The following MRM1 variants were observed in gnomAD, a reference collection of about 807,000 sequenced individuals.
MRM1 encodes mitochondrial rRNA methyltransferase 1, also known as rRNA methyltransferase 1, mitochondrial.
MRM1 carries 24 observed loss-of-function variants against 25.0 expected under a neutral mutation model. That is an observed-to-expected ratio of 0.96 (90% CI 0.69 to 1.35). The LOEUF is 1.35. Among genes scored for constraint, MRM1 ranks in the 40% most tolerant of loss-of-function variants. The probability of loss-of-function intolerance (pLI) is 0.00; values close to 1 mark genes in which losing one functional copy is unlikely to be tolerated. For missense variants in MRM1, 431 were observed against 464.1 expected, an observed-to-expected ratio of 0.93 and a Z score of 0.65; for synonymous variants, 188 against 199.2, an observed-to-expected ratio of 0.94 and a Z score of 0.47.
chr17:36,631,083 T>G, the MRM1 span, among the ~76,000 whole-genome samples: 1 of 152,214 alleles, frequency 6.6e-6, no homozygotes, highest in East Asian at 1.9e-4. Context: ...GTTAGATGCA[T>G]GGAAGGTGCT....
chr17:36,602,211 C>A lies in MRM1; in HGVS notation c.401C>A (p.Ala134Asp). ...CTGCGGCCCCGGCCTTGGAGAGAGG[C>A]CGGGGAGGCGAGCCCAGGCGACGAC... ...SPLRPRPWRE[A>D]GEASPGDDPQ... Residue 134 changes from alanine (A) to aspartate (D), a missense_variant, in exon 1 of 5, where the codon GCC (alanine) becomes GAC (aspartate). Transcript: ENST00000614766. This position sits in a 1 kb window ranked among gnomAD's most constrained non-coding sequence, Gnocchi z 4.1. The A allele has an allele frequency of 6.2e-7, 1 of 1,610,444 alleles. No individual in the cohort carries two copies. The highest frequency in any genetic ancestry group is 8.5e-7 in the Non-Finnish European group (1 of 1,177,900).
At chr17:36,628,533 G>C in the MRM1 span, among the ~76,000 whole-genome samples, 1 of 152,178 alleles carries the variant, frequency 6.6e-6, no homozygotes, top group African/African-American at 2.4e-5. Context: ...TGGACATGCA[G>C]GATGCAGTGT....
the MRM1 span, among the ~76,000 whole-genome samples, chr17:36,630,132 G>A: frequency 6.6e-6 from 1 of 152,190 alleles, no homozygotes; most frequent in Non-Finnish European, 1.5e-5. Flanking sequence ...TGCACACAAA[G>A]GCACTCAGCA....
At chr17:36,621,422 A>G in the MRM1 span, among the ~76,000 whole-genome samples, 13 of 152,030 alleles carry the variant, frequency 8.6e-5, no homozygotes, top group Non-Finnish European at 1.8e-4. Context: ...TGACACTGAC[A>G]TCCTGCCTGT....
rs752280050 is a variant in MRM1, at chr17:36,608,265, C to T, written c.912C>T (p.Cys304=). Reference sequence around the variant, plus strand: ...CAGGAATTCTTCTTCACTCCATTTGCAGCCAGAGGAAGGGTTTCCCCACAG... The same window carrying T: ...CAGGAATTCTTCTTCACTCCATTTGTAGCCAGAGGAAGGGTTTCCCCACAG... ...VAAGILLHSI[C]SQRKGFPTEG... The change falls in exon 5 of 5, where the codon TGC becomes TGT. Residue 304 remains cysteine, a synonymous_variant. Coordinates refer to ENST00000614766, the MANE Select transcript of MRM1 (RefSeq NM_024864.5). 2 of 1,578,178 alleles carry T rather than the reference C, an allele frequency of 1.3e-6. No homozygotes were observed. Among genetic ancestry groups the T allele is most frequent in the Admixed American group, 1.9e-5 (1 of 52,812 alleles).
the MRM1 span, among the ~76,000 whole-genome samples, chr17:36,622,384 C>A: frequency 6.6e-6 from 1 of 151,984 alleles, no homozygotes; most frequent in Admixed American, 6.5e-5. Context: ...CCAGCCTGGG[C>A]AACATGGTGA....
At chr17:36,619,462 G>A in the MRM1 span, among the ~76,000 whole-genome samples, 2 of 152,296 alleles carry the variant, frequency 1.3e-5, no homozygotes, top group African/African-American at 4.8e-5. Context: ...GAGGTCAGGG[G>A]TTCAAGACCA....
chr17:36,606,994 A>T (rs185881980), intron 2 of MRM1, among the ~76,000 whole-genome samples: 2 of 149,934 alleles, frequency 1.3e-5, no homozygotes, highest in East Asian at 4.0e-4. Context: ...GGTTGACTGC[A>T]GCCTCTGCCT....
the MRM1 span, among the ~76,000 whole-genome samples, chr17:36,619,707 T>C: frequency 6.6e-6 from 1 of 151,978 alleles, no homozygotes; most frequent in South Asian, 2.1e-4. Context: ...CTTTCGAATA[T>C]ATACCCAGAA....
rs2074946929 is a variant in MRM1, at chr17:36,608,017, A to G, written c.888A>G (p.Ala296=). 2 of 1,613,770 alleles carry G rather than the reference A, an allele frequency of 1.2e-6. No homozygotes were observed. Among genetic ancestry groups the G allele is most frequent in the African/African-American group, 1.3e-5 (1 of 74,920 alleles). ...AGTCCTTGAACGTCTCTGTGGCTGC[A>G]GGTGAGTCTACTCCCCTTTCCCTTT... The part of the protein sequence containing the change: ...GLESLNVSVA[A]GILLHSICSQ... Residue 296 remains alanine (A), a splice_region_variant and synonymous_variant, in exon 4 of 5, where the codon GCA becomes GCG. Coordinates refer to ENST00000614766, the MANE Select transcript of MRM1 (RefSeq NM_024864.5).
At chr17:36,625,414 T>TCTC in the MRM1 span, among the ~76,000 whole-genome samples, 1 of 143,198 alleles carries the variant, frequency 7.0e-6, no homozygotes, top group South Asian at 2.3e-4. Flanking sequence ...CTCTTCCTCT[T>TCTC]CTCCTCCTCC....
chr17:36,620,561 C>T, the MRM1 span, among the ~76,000 whole-genome samples: 1 of 152,188 alleles, frequency 6.6e-6, no homozygotes. Context: ...AGCTCCCTGT[C>T]ACTAGAGTTG....
chr17:36,607,776 G>A lies in MRM1; in HGVS notation c.743G>A (p.Trp248Ter), dbSNP rs1474928021. 5 of 1,613,980 alleles carry A rather than the reference G, an allele frequency of 3.1e-6. No individual in the cohort carries two copies. The highest frequency in any genetic ancestry group is 4.2e-6 in the Non-Finnish European group (5 of 1,180,028). The change falls in exon 3 of 5, where the codon TGG becomes TAG. Residue 248 changes from tryptophan (W) to a stop codon, truncating the protein, a stop_gained. Coordinates refer to ENST00000614766, the MANE Select transcript of MRM1 (RefSeq NM_024864.5). LOFTEE classifies it high-confidence loss of function. ...IPIMSCLEFL[W>*]ERPTLLVLGN... ...ATCATGAGTTGCTTGGAGTTCCTCT[G>A]GGAACGGCCTACTCTCCTTGTGCTG... is the stretch of plus-strand genomic sequence containing the variant.
the MRM1 span, among the ~76,000 whole-genome samples, chr17:36,614,484 A>G: frequency 6.6e-6 from 1 of 152,160 alleles, no homozygotes; most frequent in Non-Finnish European, 1.5e-5. Context: ...CAGGGGACGA[A>G]GCACCTGGAG....
At position 36,602,711 on chromosome 17, in the gene MRM1, GCTAGC is replaced by G. The variant is rs1330552545; in HGVS notation, c.636+67_636+71del. On this transcript the variant is annotated intron_variant, in intron 2 of 4. Transcript: ENST00000614766. This position sits in a 1 kb window ranked among gnomAD's most constrained non-coding sequence, Gnocchi z 4.1. ...AGCTCAGCCTCTTCAAGGGGACGAAGCTAGCCCCTGGCGAGGGAGAGAAAGGGGCA... is the reference window on the plus strand; with the variant it reads ...AGCTCAGCCTCTTCAAGGGGACGAAGCCCTGGCGAGGGAGAGAAAGGGGCA... 23 of 1,572,312 alleles carry G rather than the reference GCTAGC, an allele frequency of 1.5e-5. No individual in the cohort carries two copies. The highest frequency in any genetic ancestry group is 1.9e-5 in the Non-Finnish European group (22 of 1,142,998).
At chr17:36,619,388 C>T in the MRM1 span, among the ~76,000 whole-genome samples, 3 of 152,170 alleles carry the variant, frequency 2.0e-5, no homozygotes, top group African/African-American at 7.2e-5. Flanking sequence ...CTGCCTTGGG[C>T]CAGGTGCAGT....
chr17:36,624,361 C>G, the MRM1 span, among the ~76,000 whole-genome samples: 2 of 152,196 alleles, frequency 1.3e-5, no homozygotes, highest in African/African-American at 2.4e-5. The surrounding 1 kb of genome is among the most constrained non-coding windows in gnomAD (Gnocchi z 4.0). Context: ...CCCAAGGCAG[C>G]TCTGTGCATA....
At chr17:36,606,915 G>T (rs28848328) in intron 2 of MRM1, among the ~76,000 whole-genome samples, 57,005 of 136,512 alleles carry the variant, frequency 0.42, 12,202 homozygotes, top group African/African-American at 0.55. Context: ...CTGGTTTTTT[G>T]TTTTTTTTTT....
At position 36,607,905 on chromosome 17, in the gene MRM1, A is replaced by G. The variant is rs1048657384; in HGVS notation, c.776A>G (p.Glu259Gly). The change falls in exon 4 of 5, where the codon GAG becomes GGG. Residue 259 changes from glutamate to glycine, a missense_variant. By Grantham distance (98) the Glu-to-Gly change is moderately conservative. Coordinates refer to ENST00000614766, the MANE Select transcript of MRM1 (RefSeq NM_024864.5). ...ERPTLLVLGNEGSGLSQEVQA... is the reference protein window; with the variant it reads ...ERPTLLVLGNGGSGLSQEVQA... Reference sequence around the variant, plus strand: ...TCAGCCCCACGCCCTGCAGGGAATGAGGGCTCAGGTCTATCCCAGGAGGTG... The same window carrying G: ...TCAGCCCCACGCCCTGCAGGGAATGGGGGCTCAGGTCTATCCCAGGAGGTG... 1.9e-6 allele frequency: 3 copies of G among 1,613,758 alleles called. No homozygotes were observed. Among genetic ancestry groups the G allele is most frequent in the Admixed American group, 1.7e-5 (1 of 59,988 alleles).
Sources: allele counts gnomAD v4.1 joint callset (sites outside exome capture counted in the v4.1 genomes callset), GRCh38; gene constraint gnomAD v4.1.1; non-coding constraint Gnocchi (gnomAD v3.1); transcripts MANE v1.5; gene names NCBI Gene and HGNC (gene_info 2026-07-23, HGNC 2026-07-21).